Variants in IBTK observed in about 807,000 individuals in gnomAD.
The protein encoded by IBTK is BTK-binding protein.
In IBTK, 83 loss-of-function variants were observed where a neutral mutation model predicts 154.9. The ratio of observed to expected loss-of-function variants is 0.54; its 90% confidence interval spans 0.45 to 0.64. The LOEUF (loss-of-function observed/expected upper bound fraction) is 0.64. IBTK is among the 30% of genes least tolerant of loss of function. IBTK has a pLI of 0.00. For synonymous variants in IBTK, 515 were observed against 536.1 expected (o/e 0.96, Z 0.54); for missense variants, 1,332 against 1,584.6 (o/e 0.84, Z 2.71).
At chr6:82,208,765 T>C (rs1159596352) in intron 16 of IBTK, among the ~76,000 whole-genome samples, 1 of 152,060 alleles carries the variant, frequency 6.6e-6, no homozygotes, top group African/African-American at 2.4e-5. Context: ...AAAATTAAGT[T>C]TTTGTTTTAA....
At chr6:82,208,300 T>TG (rs201861581) in intron 16 of IBTK, among the ~76,000 whole-genome samples, 1,517 of 151,652 alleles carry the variant, frequency 0.01, 23 homozygotes, top group African/African-American at 0.034. Context: ...TTAATACGAC[T>TG]GGGGGGGGAA....
intron 2 of IBTK, among the ~76,000 whole-genome samples, chr6:82,238,277 A>C (rs1770810170): frequency 6.6e-6 from 1 of 151,988 alleles, no homozygotes; most frequent in African/African-American, 2.4e-5. Context: ...AAATAAAATA[A>C]AATTGTTAAA....
chr6:82,192,558 C>A (rs990455462), intron 23 of IBTK, among the ~76,000 whole-genome samples: 1 of 150,090 alleles, frequency 6.7e-6, no homozygotes, highest in Non-Finnish European at 1.5e-5. Flanking sequence ...ACCAGCCTGG[C>A]CTATGTGGTG....
At chr6:82,247,417 G>T in intron 1 of IBTK, 145 bp downstream of exon 1, 1 of 395,252 alleles carries the variant, frequency 2.5e-6, no homozygotes, top group South Asian at 1.4e-4. Flanking sequence ...CGGCAGCCTC[G>T]GGGCCACAGA....
intron 16 of IBTK, among the ~76,000 whole-genome samples, chr6:82,209,791 T>G (rs970045436): frequency 2.0e-5 from 3 of 152,242 alleles, no homozygotes; most frequent in Non-Finnish European, 2.9e-5. Flanking sequence ...TACTCTCAAG[T>G]ATACAAATCT....
intron 25 of IBTK, among the ~76,000 whole-genome samples, chr6:82,190,630 T>C (rs1249126325): frequency 6.6e-6 from 1 of 152,086 alleles, no homozygotes; most frequent in African/African-American, 2.4e-5. Context: ...ATTATAACCA[T>C]GTAAAGATAT....
chr6:82,211,274 C>T lies in IBTK; in HGVS notation c.2412+93G>A, dbSNP rs993420599. 4 of 947,616 alleles carry T rather than the reference C, an allele frequency of 4.2e-6. No individual in the cohort carries two copies. In the African/African-American group the frequency reaches 6.7e-5, roughly 16 times the overall value. The allele number at this position is 947,616 out of a possible 1,614,324, so 58.7% of individuals were successfully genotyped here. ...TAAATGAAAAACTGAGCTAAAATAT[C>T]CAGTTCTGATTTTGAATTTCTTTAC... On this transcript the variant is annotated intron_variant, in intron 15 of 28. Transcript: ENST00000306270.
At chr6:82,233,868 T>TAACTAGGATTGCCTGC (rs1386209417) in intron 3 of IBTK, among the ~76,000 whole-genome samples, 41 of 151,968 alleles carry the variant, frequency 2.7e-4, no homozygotes, top group Admixed American at 1.7e-3. Flanking sequence ...GGATTGCCTG[T>TAACTAGGATTGCCTGC]AACTAGGATT....
At chr6:82,247,255 A>G (rs971598919) in intron 1 of IBTK, among the ~76,000 whole-genome samples, 1 of 152,224 alleles carries the variant, frequency 6.6e-6, no homozygotes, top group Non-Finnish European at 1.5e-5. Flanking sequence ...GTGACACTAC[A>G]TAACTATCAC....
At chr6:82,193,012 C>T (rs887711945) in intron 23 of IBTK, among the ~76,000 whole-genome samples, 1 of 151,042 alleles carries the variant, frequency 6.6e-6, no homozygotes, top group Non-Finnish European at 1.5e-5. Context: ...GCAGGAGAAT[C>T]GTTTGAACCC....
intron 23 of IBTK, among the ~76,000 whole-genome samples, chr6:82,193,443 A>G (rs1768857942): frequency 6.6e-6 from 1 of 152,190 alleles, no homozygotes; most frequent in South Asian, 2.1e-4. Flanking sequence ...AAAAAAATTG[A>G]AACTAATTTC....
At chr6:82,223,692 C>T in intron 7 of IBTK, 72 bp from the exon 8 acceptor site, 1 of 1,309,120 alleles carries the variant, frequency 7.6e-7, no homozygotes, top group Non-Finnish European at 1.1e-6. Context: ...AGCACAGTGT[C>T]TCATGCCTAT....
Position 82,177,260 on chromosome 6 carries a change from A to G in IBTK, c.3726-3822T>C, listed in dbSNP as rs955609222. Among the ~76,000 whole-genome samples the G allele has an allele frequency of 7.2e-5, 11 of 152,056 alleles. No individual in the cohort carries two copies. In the South Asian group the frequency reaches 1.0e-3, roughly 14 times the overall value. ...AGTCTCACTCTGTCGCTCAGGCTGG[A>G]GTGCGGTGACGTGATCCTGGCTCAC... On this transcript the variant is annotated intron_variant, in intron 26 of 28. Transcript: ENST00000306270.
intron 26 of IBTK, among the ~76,000 whole-genome samples, chr6:82,175,586 A>C (rs146829631): frequency 6.6e-6 from 1 of 152,366 alleles, no homozygotes; most frequent in African/African-American, 2.4e-5. Flanking sequence ...TATCAAAAAC[A>C]TTCTAAACTT....
chr6:82,176,385 G>A (rs1399571036), intron 26 of IBTK, among the ~76,000 whole-genome samples: 1 of 151,970 alleles, frequency 6.6e-6, no homozygotes, highest in African/African-American at 2.4e-5. Context: ...GCCAGGCATG[G>A]TGGCAGGCGC....
chr6:82,223,998 T>A, intron 7 of IBTK, 70 bp downstream of exon 7: 1 of 892,216 alleles, frequency 1.1e-6, no homozygotes, highest in Non-Finnish European at 1.8e-6. Flanking sequence ...TCAATAAAAA[T>A]TAAAAAGAAA....
At chr6:82,247,453 C>T (rs764686135) in intron 1 of IBTK, 109 bp downstream of exon 1, 1 of 396,682 alleles carries the variant, frequency 2.5e-6, no homozygotes, top group Non-Finnish European at 4.4e-6. Flanking sequence ...TCCCCCCGCG[C>T]CGCCGTCCGC....
At chr6:82,227,476 A>T (rs1165145223) in intron 4 of IBTK, among the ~76,000 whole-genome samples, 174 bp from the exon 5 acceptor site, 1 of 152,220 alleles carries the variant, frequency 6.6e-6, no homozygotes, top group Non-Finnish European at 1.5e-5. Flanking sequence ...AAAGATACAT[A>T]TGCTTTGTTT....
chr6:82,178,502 G>A (rs1768198104), intron 26 of IBTK, among the ~76,000 whole-genome samples: 5 of 152,074 alleles, frequency 3.3e-5, no homozygotes, highest in Admixed American at 3.3e-4. Context: ...ACTTGAAACA[G>A]GGTTACAATT....
Sources: gnomAD v4.1 joint callset for allele counts (sites outside exome capture counted in the v4.1 genomes callset) on GRCh38, gnomAD v4.1.1 for gene constraint, MANE v1.5 for transcripts, NCBI Gene and HGNC (gene_info 2026-07-23, HGNC 2026-07-21) for gene names.